The following DHX15 variants were observed in gnomAD, a reference collection of about 807,000 sequenced individuals.
DHX15 encodes the protein DEAH-box helicase 15.
DHX15 carries 11 observed loss-of-function variants against 94.4 expected under a neutral mutation model. The observed-to-expected ratio is 0.12, with a 90% CI of 0.07 to 0.19. The LOEUF is 0.19. Ranked by LOEUF, DHX15 falls within the 10% of genes least tolerant of loss-of-function variation. DHX15 has a pLI of 1.00. For missense variants in DHX15, 304 were observed against 988.5 expected, an observed-to-expected ratio of 0.31 and a Z score of 9.29; for synonymous variants, 338 against 329.9, an observed-to-expected ratio of 1.02 and a Z score of -0.27.
At chr4:24,571,177 G>T (rs1248703951) in intron 2 of DHX15, among the ~76,000 whole-genome samples, 1 of 152,154 alleles carries the variant, frequency 6.6e-6, no homozygotes, top group Non-Finnish European at 1.5e-5. Context: ...ACGTTTCTAA[G>T]AAAGTGTAAC....
chr4:24,582,071 G>GA (rs200036120), intron 1 of DHX15, among the ~76,000 whole-genome samples: 34 of 148,456 alleles, frequency 2.3e-4, no homozygotes, highest in African/African-American at 5.4e-4. Flanking sequence ...GCTTATCAGG[G>GA]AAAAAAAAAA....
intron 10 of DHX15, chr4:24,539,775 T>TA (rs1721269914): frequency 6.0e-6 from 1 of 166,472 alleles, no homozygotes; most frequent in African/African-American, 2.4e-5. Context: ...GTACTTGCAG[T>TA]AAAAAACAAA....
At chr4:24,531,774 A>G (rs981807751) in intron 12 of DHX15, among the ~76,000 whole-genome samples, 1 of 152,164 alleles carries the variant, frequency 6.6e-6, no homozygotes, top group African/African-American at 2.4e-5. Flanking sequence ...CCAGTACAAC[A>G]TATCAAATAT....
In DHX15 at chr4:24,584,551, C is replaced by A. The variant is rs928017146; in HGVS notation, c.-158G>T. 2.8e-6 allele frequency: 2 copies of A among 703,848 alleles called. No homozygotes were observed. Among genetic ancestry groups the A allele is most frequent in the Admixed American group, 3.7e-5 (1 of 26,848 alleles). The allele number at this position is 703,848 out of a possible 1,614,324, so 43.6% of individuals were successfully genotyped here. A position where few individuals can be genotyped will look rare whatever the true frequency, so the allele number is the denominator to read the frequency against. On this transcript the variant is annotated 5_prime_UTR_variant, in exon 1 of 14. Transcript: ENST00000336812. Reference sequence around the variant, plus strand: ...CCAACAGCTAAAATGGCGGCGGCGACGAGGGCTGGGCCTGCGCGCGCGCGC... The same window carrying A: ...CCAACAGCTAAAATGGCGGCGGCGAAGAGGGCTGGGCCTGCGCGCGCGCGC...
intron 12 of DHX15, 31 bp downstream of exon 12, chr4:24,532,833 T>G: frequency 1.4e-6 from 2 of 1,458,998 alleles, no homozygotes; most frequent in Non-Finnish European, 1.9e-6. Flanking sequence ...ATATGAATAC[T>G]TAGTTATTCA....
chr4:24,565,701 C>T (rs1238567870), intron 3 of DHX15, among the ~76,000 whole-genome samples: 1 of 152,204 alleles, frequency 6.6e-6, no homozygotes, highest in Non-Finnish European at 1.5e-5. Flanking sequence ...CCCTCTCTAA[C>T]TGGGTTAACT....
At chr4:24,532,821 T>G (rs760197736) in intron 12 of DHX15, 43 bp downstream of exon 12, 1 of 1,408,390 alleles carries the variant, frequency 7.1e-7, no homozygotes, top group Non-Finnish European at 9.7e-7. Flanking sequence ...GAAATCAGTG[T>G]CATATGAATA....
At chr4:24,535,513 G>A (rs575431886) in intron 11 of DHX15, among the ~76,000 whole-genome samples, 6 of 152,286 alleles carry the variant, frequency 3.9e-5, no homozygotes, top group South Asian at 2.1e-4. Context: ...TTGGATACAA[G>A]AAAGATTAAA....
chr4:24,555,099 T>C (rs566693446), intron 4 of DHX15, among the ~76,000 whole-genome samples, 156 bp from the exon 5 acceptor site: 1 of 152,054 alleles, frequency 6.6e-6, no homozygotes, highest in African/African-American at 2.4e-5. Flanking sequence ...ACATAATGGC[T>C]GAACTATAGT....
intron 1 of DHX15, among the ~76,000 whole-genome samples, chr4:24,581,364 A>G (rs973716949): frequency 2.6e-5 from 4 of 152,212 alleles, no homozygotes; most frequent in Non-Finnish European, 5.9e-5. Context: ...GTGTACCTAC[A>G]GTTAATGACA....
chr4:24,567,059 T>C (rs996720162), intron 3 of DHX15, among the ~76,000 whole-genome samples: 5 of 152,178 alleles, frequency 3.3e-5, no homozygotes, highest in African/African-American at 1.2e-4. Context: ...GACTAATCAT[T>C]ATGTGTACAA....
intron 6 of DHX15, among the ~76,000 whole-genome samples, chr4:24,545,926 G>C (rs1017107738): frequency 1.3e-5 from 2 of 152,134 alleles, no homozygotes; most frequent in South Asian, 4.1e-4. Flanking sequence ...GAAAAGCTTG[G>C]CATCACTGTC....
rs111410133 is a variant in DHX15 at position 24,546,355 on chromosome 4, A to G, written c.1248+2500T>C. Among the ~76,000 whole-genome samples, 558 of 152,356 alleles carry G rather than the reference A, an allele frequency of 3.7e-3. 2 individuals are homozygous for G. Among genetic ancestry groups the G allele is most frequent in the African/African-American group, 0.013 (530 of 41,578 alleles). On this transcript the variant is annotated intron_variant, in intron 6 of 13. Coordinates refer to ENST00000336812, the MANE Select transcript of DHX15 (RefSeq NM_001358.3). ...ATGTAGGATCAACTATAGAAAAGTCAGCTATTTGTATGAACAAAATTAATG... is the reference window on the plus strand; with the variant it reads ...ATGTAGGATCAACTATAGAAAAGTCGGCTATTTGTATGAACAAAATTAATG...
At chr4:24,553,468 T>C (rs1721656489) in intron 5 of DHX15, among the ~76,000 whole-genome samples, 1 of 152,036 alleles carries the variant, frequency 6.6e-6, no homozygotes, top group Non-Finnish European at 1.5e-5. Flanking sequence ...ATGCTGTTTA[T>C]ATGCCATCAA....
chr4:24,546,215 T>C (rs1273610232), intron 6 of DHX15, among the ~76,000 whole-genome samples: 4 of 152,194 alleles, frequency 2.6e-5, no homozygotes, highest in Non-Finnish European at 5.9e-5. Flanking sequence ...CACAGTAAGC[T>C]ATCTTCAGAT....
chr4:24,571,570 T>C (rs1722124099), intron 2 of DHX15, among the ~76,000 whole-genome samples: 2 of 152,214 alleles, frequency 1.3e-5, no homozygotes, highest in Non-Finnish European at 2.9e-5. Flanking sequence ...TCCCCAATTT[T>C]ACAGTTTTCC....
At position 24,527,834 on chromosome 4, in the gene DHX15, C is replaced by T. The variant is rs1577329390; in HGVS notation, c.*90G>A. 8 of 821,704 alleles carry T rather than the reference C, an allele frequency of 9.7e-6. No individual in the cohort carries two copies. Among genetic ancestry groups the T allele is most frequent in the Admixed American group, 2.1e-5 (1 of 47,368 alleles). The allele number at this position is 821,704 out of a possible 1,614,324, so 50.9% of individuals were successfully genotyped here. On this transcript the variant is annotated 3_prime_UTR_variant, in exon 14 of 14. Transcript: ENST00000336812. ...AAAGCTTTCAAATAAAGGCCATTAT[C>T]GAACCAACGTGAAGAGCACAACTCG...
At chr4:24,582,390 T>C (rs192939737) in intron 1 of DHX15, among the ~76,000 whole-genome samples, 1 of 152,172 alleles carries the variant, frequency 6.6e-6, no homozygotes, top group East Asian at 1.9e-4. Flanking sequence ...CAAGAGAAAG[T>C]AAACAATCGC....
intron 1 of DHX15, among the ~76,000 whole-genome samples, chr4:24,579,647 A>G (rs1001559944): frequency 2.0e-5 from 3 of 152,210 alleles, no homozygotes; most frequent in African/African-American, 7.2e-5. Context: ...TCCCTCACCT[A>G]TAAGATGTGG....
Sources: gnomAD v4.1 joint callset for allele counts (sites outside exome capture counted in the v4.1 genomes callset) on GRCh38, gnomAD v4.1.1 for gene constraint, MANE v1.5 for transcripts, NCBI Gene and HGNC (gene_info 2026-07-23, HGNC 2026-07-21) for gene names.